Variants in MTUS2 observed in about 807,000 individuals in gnomAD.
The protein encoded by MTUS2 is microtubule associated scaffold protein 2, also known as microtubule-associated tumor suppressor candidate 2.
In MTUS2, 40 loss-of-function variants were observed where a neutral mutation model predicts 114.1. The ratio of observed to expected loss-of-function variants is 0.35; its 90% CI spans 0.27 to 0.46. The LOEUF (loss-of-function observed/expected upper bound fraction) is 0.46. MTUS2 is among the 20% of genes least tolerant of loss of function. MTUS2 has a pLI of 1.00. For synonymous variants in MTUS2, 688 were observed against 672.0 expected (o/e 1.02, Z -0.37); for missense variants, 1,679 against 1,705.4 (o/e 0.98, Z 0.27).
intron 2 of MTUS2, among the ~76,000 whole-genome samples, chr13:28,922,284 T>C (rs1205654281): frequency 6.6e-6 from 1 of 152,202 alleles, no homozygotes. Context: ...CTTTTTTCTT[T>C]ATAAGTTACC....
At chr13:28,951,009 A>G (rs2138174456) in intron 2 of MTUS2, among the ~76,000 whole-genome samples, 1 of 152,324 alleles carries the variant, frequency 6.6e-6, no homozygotes, top group Middle Eastern at 3.4e-3. Flanking sequence ...AGGAAGTAAA[A>G]TTATCTATTT....
chr13:29,051,143 T>C (rs1412994851), intron 4 of MTUS2, among the ~76,000 whole-genome samples: 2 of 152,162 alleles, frequency 1.3e-5, no homozygotes, highest in Non-Finnish European at 2.9e-5. Flanking sequence ...TGTTAGAGTT[T>C]ACAGATGAGA....
At chr13:28,837,342 T>C (rs747981750) in intron 1 of MTUS2, among the ~76,000 whole-genome samples, 1 of 152,210 alleles carries the variant, frequency 6.6e-6, no homozygotes, top group Non-Finnish European at 1.5e-5. Context: ...TCAACTCTTA[T>C]CTAGGATTCT....
At chr13:28,861,623 C>T (rs1310030147) in intron 2 of MTUS2, among the ~76,000 whole-genome samples, 3 of 152,096 alleles carry the variant, frequency 2.0e-5, no homozygotes, top group African/African-American at 7.2e-5. Flanking sequence ...ATATTTGTCA[C>T]CAATCAGGAG....
chr13:29,098,885 T>G (rs1230041929), intron 4 of MTUS2, among the ~76,000 whole-genome samples: 1 of 152,204 alleles, frequency 6.6e-6, no homozygotes, highest in African/African-American at 2.4e-5. Context: ...CCTCACTCGA[T>G]TTTGCATAAT....
chr13:29,395,477 G>T (rs1873842459), intron 8 of MTUS2, among the ~76,000 whole-genome samples: 1 of 152,216 alleles, frequency 6.6e-6, no homozygotes, highest in Non-Finnish European at 1.5e-5. Context: ...TGCACAGTGA[G>T]TGAATTGTGG....
At chr13:29,079,171 T>G (rs1243438062) in intron 4 of MTUS2, among the ~76,000 whole-genome samples, 1 of 152,226 alleles carries the variant, frequency 6.6e-6, no homozygotes, top group Non-Finnish European at 1.5e-5. Context: ...TTCTGATGGC[T>G]GAAAATGCTG....
At chr13:29,455,374 G>T (rs1344311934) in intron 9 of MTUS2, among the ~76,000 whole-genome samples, 1 of 152,198 alleles carries the variant, frequency 6.6e-6, no homozygotes, top group Non-Finnish European at 1.5e-5. Context: ...TTCCAGCCCA[G>T]TCAGGGTGGG....
At position 29,480,541 on chromosome 13, in the gene MTUS2, C is replaced by T. The variant is rs183695706; in HGVS notation, c.3399+177C>T. ...CTCTCTTCTCCTCCAGCCACTGTGG[C>T]CTCCTTCACTCTTCCTCAGGGTTTT... is the stretch of plus-strand genomic sequence containing the variant. On this transcript the variant is annotated intron_variant, in intron 10 of 15. Coordinates refer to ENST00000612955, the MANE Select transcript of MTUS2 (RefSeq NM_001033602.4). This position sits in a 1 kb window ranked among gnomAD's most constrained non-coding sequence, Gnocchi z 4.4. Among the ~76,000 whole-genome samples, 7 of 152,304 alleles carry T rather than the reference C, an allele frequency of 4.6e-5. No individual in the cohort carries two copies. The highest frequency in any genetic ancestry group is 2.9e-5 in the Non-Finnish European group (2 of 68,034).
chr13:29,311,315 T>G (rs918412101), intron 6 of MTUS2, among the ~76,000 whole-genome samples: 1 of 152,224 alleles, frequency 6.6e-6, no homozygotes, highest in Admixed American at 6.5e-5. Context: ...TGATCTTCTA[T>G]TCCCACTCCT....
intron 3 of MTUS2, among the ~76,000 whole-genome samples, chr13:29,033,110 T>C (rs1043441623): frequency 2.0e-5 from 3 of 152,124 alleles, no homozygotes; most frequent in African/African-American, 7.2e-5. Flanking sequence ...TAGGAAAAAA[T>C]GGAAACATGA....
intron 8 of MTUS2, among the ~76,000 whole-genome samples, chr13:29,375,548 T>TATA (rs1871566086): frequency 5.8e-5 from 1 of 17,214 alleles, no homozygotes; most frequent in African/African-American, 3.1e-4. Flanking sequence ...CGTGTATATA[T>TATA]ATATATATAC....
chr13:29,482,163 G>A (rs528503813), intron 10 of MTUS2: 1 of 152,352 alleles, frequency 6.6e-6, no homozygotes, highest in South Asian at 2.1e-4. Flanking sequence ...ACACCAGAAG[G>A]TGAGGAGGAG....
At chr13:28,998,650 A>G (rs1885234219) in intron 2 of MTUS2, among the ~76,000 whole-genome samples, 1 of 152,004 alleles carries the variant, frequency 6.6e-6, no homozygotes, top group Admixed American at 6.6e-5. Flanking sequence ...TTGACCTTCC[A>G]TTGCTGATAC....
In MTUS2 at chr13:28,825,422, T is replaced by C. The variant is rs1874198353; in HGVS notation, c.-316+4811T>C. 1.3e-5 allele frequency among the ~76,000 whole-genome samples: 2 copies of C among 152,312 alleles called. 1 individual carries two copies. Among genetic ancestry groups the C allele is most frequent in the Middle Eastern group, 6.8e-3 (2 of 294 alleles). On this transcript the variant is annotated intron_variant, in intron 1 of 15. Transcript: ENST00000612955. ...GAGGAATGTCTTAATATCAGGAACC[T>C]AGAACAACTTTCTGATTTGAACTGA...
intron 7 of MTUS2, among the ~76,000 whole-genome samples, chr13:29,343,778 A>G (rs9506158): frequency 0.81 from 122,200 of 151,754 alleles, 50,225 homozygotes; most frequent in East Asian, 0.9. Flanking sequence ...TTTGATGCAG[A>G]CATTTAATGC....
chr13:29,135,644 AT>A (rs983522523), intron 5 of MTUS2, among the ~76,000 whole-genome samples: 25 of 148,250 alleles, frequency 1.7e-4, no homozygotes, highest in Non-Finnish European at 2.1e-4. Flanking sequence ...TGTTTAGGTG[AT>A]TTTTTTTTTA....
chr13:29,372,995 A>G (rs938956085), intron 8 of MTUS2, among the ~76,000 whole-genome samples: 1 of 152,230 alleles, frequency 6.6e-6, no homozygotes, highest in Non-Finnish European at 1.5e-5. Flanking sequence ...TGAAAGTATC[A>G]TAAAATTAGT....
chr13:29,261,580 A>G (rs963555296), intron 5 of MTUS2, among the ~76,000 whole-genome samples: 1 of 152,262 alleles, frequency 6.6e-6, no homozygotes, highest in African/African-American at 2.4e-5. Context: ...CTACAGAAAT[A>G]GAGCACCTAA....
Sources: gnomAD v4.1 joint callset for allele counts (sites outside exome capture counted in the v4.1 genomes callset) on GRCh38, gnomAD v4.1.1 for gene constraint, Gnocchi (gnomAD v3.1) non-coding constraint, MANE v1.5 for transcripts, NCBI Gene and HGNC (gene_info 2026-07-23, HGNC 2026-07-21) for gene names.